The following STAM variants were observed in gnomAD, a reference collection of about 807,000 sequenced individuals.
STAM encodes the protein signal transducing adapter molecule 1.
A neutral mutation model predicts 63.4 loss-of-function variants in STAM; 16 were observed. That is an observed-to-expected ratio of 0.25 (90% confidence interval 0.17 to 0.38). STAM has a LOEUF of 0.38. Ranked by LOEUF, STAM falls within the 10% of genes least tolerant of loss-of-function variation. STAM has a pLI of 1.00. For synonymous variants in STAM, 238 were observed against 223.9 expected, an observed-to-expected ratio of 1.06 and a Z score of -0.56; for missense variants, 636 against 657.1, an observed-to-expected ratio of 0.97 and a Z score of 0.35.
chr10:17,686,045 A>G (rs1835279941), intron 4 of STAM, among the ~76,000 whole-genome samples: 1 of 152,234 alleles, frequency 6.6e-6, no homozygotes, highest in African/African-American at 2.4e-5. Context: ...GTATAGAAAT[A>G]TAGTAAGAAT....
chr10:17,667,873 C>T (rs1224305550), intron 2 of STAM, among the ~76,000 whole-genome samples: 2 of 152,218 alleles, frequency 1.3e-5, no homozygotes, highest in African/African-American at 4.8e-5. Context: ...CTTCTAAGAA[C>T]TTGAAAGTTA....
At chr10:17,690,348 G>A (rs1554826609) in intron 5 of STAM, among the ~76,000 whole-genome samples, 1 of 152,158 alleles carries the variant, frequency 6.6e-6, no homozygotes, top group Admixed American at 6.5e-5. Flanking sequence ...AGAAATTCAG[G>A]ACATAGAAGA....
chr10:17,649,393 TAAAA>T (rs139969080), intron 1 of STAM, among the ~76,000 whole-genome samples: 1 of 141,914 alleles, frequency 7.0e-6, no homozygotes, highest in Non-Finnish European at 1.5e-5. Flanking sequence ...ACCCTGTCTT[TAAAA>T]AAAAAAAAAA....
At chr10:17,656,434 C>T (rs573675751) in intron 1 of STAM, among the ~76,000 whole-genome samples, 1 of 151,878 alleles carries the variant, frequency 6.6e-6, no homozygotes, top group Admixed American at 6.6e-5. Context: ...GTAGGTTGGT[C>T]TGGTGGGCCA....
chr10:17,648,734 C>A (rs1469289386), intron 1 of STAM, among the ~76,000 whole-genome samples: 1 of 152,172 alleles, frequency 6.6e-6, no homozygotes, highest in African/African-American at 2.4e-5. Flanking sequence ...CCACTCTTGC[C>A]TCTACAATCA....
At chr10:17,656,266 C>G (rs566286312) in intron 1 of STAM, among the ~76,000 whole-genome samples, 1 of 148,418 alleles carries the variant, frequency 6.7e-6, no homozygotes, top group South Asian at 2.1e-4. Flanking sequence ...TGCACTCCAG[C>G]CTGGGTGACA....
At chr10:17,710,128 C>T (rs1836491848) in intron 13 of STAM, among the ~76,000 whole-genome samples, 1 of 151,894 alleles carries the variant, frequency 6.6e-6, no homozygotes, top group Admixed American at 6.6e-5. Context: ...GACCCTGCAG[C>T]TATTTTAGTA....
At chr10:17,662,413 C>A (rs1367742514) in intron 2 of STAM, among the ~76,000 whole-genome samples, 10 of 152,148 alleles carry the variant, frequency 6.6e-5, no homozygotes, top group Admixed American at 6.5e-4. Flanking sequence ...TCCTTATCCC[C>A]TTTACTGACA....
At position 17,657,704 on chromosome 10, in the gene STAM, G is replaced by A. The variant is rs145017756; in HGVS notation, c.41-2760G>A. ...TATTTCAGCAGATTATGTCTTTCAA[G>A]GCATTGGTCCATTTCATCTAGGTTA... On this transcript the variant is annotated intron_variant, in intron 1 of 13. Coordinates refer to ENST00000377524, the MANE Select transcript of STAM (RefSeq NM_003473.4). Among the ~76,000 whole-genome samples, 17 of 152,258 alleles carry A rather than the reference G, an allele frequency of 1.1e-4. No individual in the cohort carries two copies. The East Asian group carries it at 3.3e-3, about 29-fold the overall frequency.
intron 2 of STAM, among the ~76,000 whole-genome samples, chr10:17,677,057 T>G (rs1459500578): frequency 6.6e-6 from 1 of 152,228 alleles, no homozygotes; most frequent in Non-Finnish European, 1.5e-5. Context: ...AAAAAGATAC[T>G]GCTGTGTTTG....
intron 7 of STAM, 25 bp from the exon 8 acceptor site, chr10:17,696,750 A>G (rs1835775305): frequency 6.7e-7 from 1 of 1,485,770 alleles, no homozygotes; most frequent in Non-Finnish European, 9.4e-7. Context: ...TGTTATGGTA[A>G]AGCATTGTTT....
intron 5 of STAM, among the ~76,000 whole-genome samples, chr10:17,691,299 A>G (rs1391365888): frequency 6.6e-6 from 1 of 152,184 alleles, no homozygotes; most frequent in Non-Finnish European, 1.5e-5. Context: ...CGGGTGGGTC[A>G]CGAGGTCAGG....
chr10:17,669,142 T>C (rs1206845687), intron 2 of STAM, among the ~76,000 whole-genome samples: 6 of 152,220 alleles, frequency 3.9e-5, no homozygotes, highest in Admixed American at 3.9e-4. Flanking sequence ...TTTATTCTTT[T>C]CTATTTGGCT....
chr10:17,677,326 A>AT (rs1377785288), intron 2 of STAM, among the ~76,000 whole-genome samples: 30 of 152,364 alleles, frequency 2.0e-4, no homozygotes, highest in African/African-American at 7.0e-4. Context: ...AACAAAATAC[A>AT]TAATCAATTT....
At chr10:17,695,355 C>G in intron 7 of STAM, 114 bp downstream of exon 7, 2 of 998,950 alleles carry the variant, frequency 2.0e-6, no homozygotes, top group South Asian at 1.8e-5. Flanking sequence ...GACCCAGATG[C>G]TGCTCTGTAT....
intron 1 of STAM, among the ~76,000 whole-genome samples, chr10:17,658,029 T>A (rs1295934327): frequency 1.3e-5 from 2 of 152,064 alleles, no homozygotes; most frequent in Non-Finnish European, 2.9e-5. Flanking sequence ...TTTAATTTGC[T>A]CTTCTAGTTT....
At chr10:17,704,406 TA>T in intron 9 of STAM, 24 bp from the exon 10 acceptor site, 2 of 1,596,712 alleles carry the variant, frequency 1.3e-6, no homozygotes, top group Non-Finnish European at 8.6e-7. Flanking sequence ...GGTAGCTTTT[TA>T]TATTAACTAC....
intron 8 of STAM, 88 bp from the exon 9 acceptor site, chr10:17,700,103 T>C (rs1835923570): frequency 1.8e-6 from 2 of 1,103,398 alleles, no homozygotes. Context: ...ATAAGAAAAA[T>C]CCCCAAATCT....
At chr10:17,654,646 C>A in intron 1 of STAM, among the ~76,000 whole-genome samples, 1 of 152,036 alleles carries the variant, frequency 6.6e-6, no homozygotes, top group African/African-American at 2.4e-5. Flanking sequence ...TGAAATAATT[C>A]CCCAAAGTAA....
Sources: gnomAD v4.1 joint callset for allele counts (sites outside exome capture counted in the v4.1 genomes callset) on GRCh38, gnomAD v4.1.1 for gene constraint, MANE v1.5 for transcripts, NCBI Gene and HGNC (gene_info 2026-07-23, HGNC 2026-07-21) for gene names.